Variants in TLE1 observed in about 807,000 individuals in gnomAD.
TLE1 encodes the protein transducin-like enhancer protein 1.
TLE1 carries 21 observed loss-of-function variants against 89.8 expected under a neutral mutation model. The observed-to-expected ratio is 0.23, with a 90% CI of 0.17 to 0.34. The LOEUF is 0.34. Among genes scored for constraint, TLE1 ranks in the 10% least tolerant of loss-of-function variants. The pLI is 1.00. For synonymous variants in TLE1, 447 were observed against 407.6 expected (o/e 1.10, Z -1.16); for missense variants, 795 against 1,031.2 (o/e 0.77, Z 3.14).
Position 81,688,356 on chromosome 9 carries a change from G to T in TLE1, c.-116C>A. 1.7e-6 allele frequency: 2 copies of T among 1,191,478 alleles called. No individual in the cohort carries two copies. The highest frequency in any genetic ancestry group is 1.6e-5 in the African/African-American group (1 of 61,382). The allele number at this position is 1,191,478 out of a possible 1,614,324, so 73.8% of individuals were successfully genotyped here. A position where few individuals can be genotyped will look rare whatever the true frequency, so the allele number is the denominator to read the frequency against. On this transcript the variant is annotated 5_prime_UTR_variant, in exon 1 of 20. Coordinates refer to ENST00000376499, the MANE Select transcript of TLE1 (RefSeq NM_005077.5). ...AAAGCCAAGCAGAAGCGGGGAGCGC[G>T]CTGGCCACGCACGCGCGCTCCGCCG...
At chr9:81,612,883 C>A (rs1456088236) in intron 12 of TLE1, among the ~76,000 whole-genome samples, 1 of 152,202 alleles carries the variant, frequency 6.6e-6, no homozygotes, top group Non-Finnish European at 1.5e-5. Context: ...CATGGTGAAA[C>A]CCCGTCTCTA....
At chr9:81,647,139 C>G (rs1828953417) in intron 6 of TLE1, among the ~76,000 whole-genome samples, 1 of 152,060 alleles carries the variant, frequency 6.6e-6, no homozygotes, top group Non-Finnish European at 1.5e-5. Flanking sequence ...TTTTCTTGCA[C>G]CCAACTGTCA....
chr9:81,686,751 A>C (rs769608628), intron 2 of TLE1, among the ~76,000 whole-genome samples: 8 of 152,210 alleles, frequency 5.3e-5, no homozygotes, highest in Non-Finnish European at 1.0e-4. Flanking sequence ...ACTAAGGCTG[A>C]GATGGATATA....
At chr9:81,587,913 T>TGC (rs1828789655) in intron 16 of TLE1, 85 bp from the exon 17 acceptor site, 1 of 920,228 alleles carries the variant, frequency 1.1e-6, no homozygotes, top group Non-Finnish European at 1.5e-6. Context: ...GGACCGTGTG[T>TGC]GTGTGTGTGT....
intron 4 of TLE1, among the ~76,000 whole-genome samples, chr9:81,680,358 C>T (rs1049682864): frequency 1.3e-5 from 2 of 152,196 alleles, no homozygotes; most frequent in African/African-American, 4.8e-5. Flanking sequence ...TGTGGCCCTG[C>T]AATGGCCTGA....
At chr9:81,640,079 G>C (rs537423113) in intron 6 of TLE1, among the ~76,000 whole-genome samples, 2 of 152,070 alleles carry the variant, frequency 1.3e-5, no homozygotes, top group South Asian at 4.2e-4. Context: ...CATCTAATGG[G>C]TGAAGGCCAA....
chr9:81,613,032 T>A (rs1303161514), intron 12 of TLE1, among the ~76,000 whole-genome samples: 1 of 151,742 alleles, frequency 6.6e-6, no homozygotes, highest in Admixed American at 6.6e-5. Context: ...CATTCCAGCC[T>A]GGGGGGGACA....
chr9:81,638,125 A>T (rs886444202), intron 6 of TLE1, among the ~76,000 whole-genome samples: 4 of 152,140 alleles, frequency 2.6e-5, no homozygotes, highest in African/African-American at 7.2e-5. Context: ...CACAGAGACA[A>T]ATCCACCCTC....
intron 6 of TLE1, among the ~76,000 whole-genome samples, chr9:81,648,271 C>CAAA (rs56842573): frequency 0.22 from 27,039 of 121,914 alleles, 3,203 homozygotes; most frequent in Non-Finnish European, 0.31. Context: ...ACACTGTCTC[C>CAAA]AAAAAAAAAA....
chr9:81,597,424 A>C (rs1360528283), intron 14 of TLE1, among the ~76,000 whole-genome samples: 1 of 152,174 alleles, frequency 6.6e-6, no homozygotes, highest in Non-Finnish European at 1.5e-5. Context: ...GCAACAAAAA[A>C]TACAAAATTC....
At chr9:81,599,150 G>A (rs564075122) in intron 14 of TLE1, among the ~76,000 whole-genome samples, 3 of 152,170 alleles carry the variant, frequency 2.0e-5, no homozygotes, top group Admixed American at 6.6e-5. Context: ...GCGCAATATA[G>A]TCAACCTTTG....
intron 6 of TLE1, among the ~76,000 whole-genome samples, chr9:81,649,769 A>T (rs539230782): frequency 6.6e-6 from 1 of 152,094 alleles, no homozygotes; most frequent in African/African-American, 2.4e-5. Flanking sequence ...CCCTCTGGGG[A>T]GACAGGTTGA....
intron 14 of TLE1, among the ~76,000 whole-genome samples, chr9:81,597,741 T>C (rs76512220): frequency 6.6e-6 from 1 of 152,082 alleles, no homozygotes; most frequent in Non-Finnish European, 1.5e-5. Context: ...ATGTAAAACA[T>C]GAATGATATA....
chr9:81,686,750 G>A (rs191408798), intron 2 of TLE1, among the ~76,000 whole-genome samples: 5 of 152,292 alleles, frequency 3.3e-5, no homozygotes, highest in Admixed American at 3.3e-4. Flanking sequence ...AACTAAGGCT[G>A]AGATGGATAT....
At chr9:81,618,228 G>C (rs1824800386) in intron 9 of TLE1, among the ~76,000 whole-genome samples, 1 of 152,172 alleles carries the variant, frequency 6.6e-6, no homozygotes, top group Admixed American at 6.5e-5. Context: ...CTGAATTTAT[G>C]ATCTAAACAA....
At chr9:81,654,920 T>C (rs928462266) in intron 4 of TLE1, among the ~76,000 whole-genome samples, 1 of 152,164 alleles carries the variant, frequency 6.6e-6, no homozygotes, top group Non-Finnish European at 1.5e-5. Flanking sequence ...CATTCCAGTC[T>C]AGAGGGTGAT....
intron 14 of TLE1, among the ~76,000 whole-genome samples, chr9:81,596,213 C>T (rs527635403): frequency 2.0e-4 from 30 of 152,224 alleles, no homozygotes; most frequent in Non-Finnish European, 3.7e-4. Flanking sequence ...AGGAGGCCTG[C>T]GATCATCATA....
At chr9:81,642,916 C>T (rs1828334485) in intron 6 of TLE1, among the ~76,000 whole-genome samples, 1 of 152,168 alleles carries the variant, frequency 6.6e-6, no homozygotes, top group Non-Finnish European at 1.5e-5. Context: ...GAAGAAAATC[C>T]TACCACTTAC....
chr9:81,673,503 A>C (rs967866097), intron 4 of TLE1, among the ~76,000 whole-genome samples: 2 of 152,104 alleles, frequency 1.3e-5, no homozygotes, highest in Non-Finnish European at 2.9e-5. Flanking sequence ...AGGGACTGCT[A>C]TTTAGATCAC....
Sources: allele counts gnomAD v4.1 joint callset (sites outside exome capture counted in the v4.1 genomes callset), GRCh38; gene constraint gnomAD v4.1.1; transcripts MANE v1.5; gene names NCBI Gene and HGNC (gene_info 2026-07-23, HGNC 2026-07-21).